LIPA: variants seen among roughly 807,000 people sequenced by gnomAD.
LIPA encodes the protein lipase A, lysosomal acid type.
In LIPA, 26 loss-of-function variants were observed where a neutral mutation model predicts 40.6. The ratio of observed to expected loss-of-function variants is 0.64; its 90% CI spans 0.47 to 0.89. LIPA has a LOEUF of 0.89. LIPA is among the 40% of genes least tolerant of loss of function. LIPA has a pLI of 0.00. For missense variants in LIPA, 455 were observed against 479.6 expected, an observed-to-expected ratio of 0.95 and a Z score of 0.48; for synonymous variants, 188 against 168.4, an observed-to-expected ratio of 1.12 and a Z score of -0.90.
At chr10:89,413,032 C>T (rs765861216) in intron 1 of LIPA, 22 of 174,810 alleles carry the variant, frequency 1.3e-4, no homozygotes, top group Middle Eastern at 2.4e-3. Flanking sequence ...CAACAAGCCC[C>T]AGTGTGTGTT....
intron 5 of LIPA, among the ~76,000 whole-genome samples, chr10:89,225,920 A>G (rs1842763619): frequency 6.6e-6 from 1 of 152,076 alleles, no homozygotes; most frequent in African/African-American, 2.4e-5. Context: ...ACCATGTAAG[A>G]TGTTCCTTGC....
At chr10:89,324,126 C>CTATACT (rs1740475875) in intron 1 of LIPA, among the ~76,000 whole-genome samples, 1 of 152,056 alleles carries the variant, frequency 6.6e-6, no homozygotes, top group African/African-American at 2.4e-5. Flanking sequence ...TGACTTTGAA[C>CTATACT]TATACTACAA....
intron 1 of LIPA, among the ~76,000 whole-genome samples, chr10:89,272,592 A>T (rs186528800): frequency 6.6e-6 from 1 of 152,218 alleles, no homozygotes; most frequent in Non-Finnish European, 1.5e-5. Flanking sequence ...AATGATTTAT[A>T]CTCCTCTGGG....
chr10:89,275,473 A>C (rs184864853), intron 1 of LIPA, among the ~76,000 whole-genome samples: 19 of 152,308 alleles, frequency 1.2e-4, no homozygotes, highest in African/African-American at 3.6e-4. Flanking sequence ...TGTCCTGCCC[A>C]CTGGACATTC....
chr10:89,312,899 C>T (rs892238728), intron 1 of LIPA, among the ~76,000 whole-genome samples: 1 of 151,926 alleles, frequency 6.6e-6, no homozygotes, highest in African/African-American at 2.4e-5. Flanking sequence ...TGCATGCTTT[C>T]TGCAGGAATG....
chr10:89,252,237 A>C (rs1025220028), upstream of LIPA, among the ~76,000 whole-genome samples: 1 of 152,238 alleles, frequency 6.6e-6, no homozygotes, highest in African/African-American at 2.4e-5. Context: ...TGCTGCTTTA[A>C]ATTTTTTATT....
intron 2 of LIPA, chr10:89,378,204 T>TAAG: frequency 6.3e-7 from 1 of 1,576,840 alleles, no homozygotes; most frequent in Non-Finnish European, 8.7e-7. Flanking sequence ...AAACTTTCCT[T>TAAG]AAGGGCCAAT....
Position 89,250,107 on chromosome 10 carries a change from C to CTTTTTTTTTTTTTTTTTTTTTT in LIPA, c.-2+1629_-2+1630insAAAAAAAAAAAAAAAAAAAAAA, listed in dbSNP as rs398038546. Among the ~76,000 whole-genome samples the CTTTTTTTTTTTTTTTTTTTTTT allele has an allele frequency of 1.9e-4, 18 of 96,074 alleles. 2 individuals are homozygous for CTTTTTTTTTTTTTTTTTTTTTT. The highest frequency in any genetic ancestry group is 2.9e-4 in the Non-Finnish European group (15 of 51,316). 63.0% of individuals were successfully genotyped at this position (96,074 alleles called of 152,430 possible). ...TTTTTCTTTTTCTTTTCTTTTCTTTCTTTTTTTTTTTTGAGACAGTCTTGC... is the reference window on the plus strand; with the variant it reads ...TTTTTCTTTTTCTTTTCTTTTCTTTCTTTTTTTTTTTTTTTTTTTTTTTTTTTTTTTTTTGAGACAGTCTTGC... On this transcript the variant is annotated intron_variant, in intron 1 of 9. Coordinates refer to ENST00000336233, the MANE Select transcript of LIPA (RefSeq NM_000235.4).
chr10:89,410,231 G>C (rs1428093293), intron 2 of LIPA, among the ~76,000 whole-genome samples: 4 of 152,168 alleles, frequency 2.6e-5, no homozygotes, highest in African/African-American at 9.7e-5. Context: ...TGATGTAAAT[G>C]GCATACTAGG....
chr10:89,408,831 T>C (rs542346737), intron 2 of LIPA, among the ~76,000 whole-genome samples: 3 of 152,232 alleles, frequency 2.0e-5, no homozygotes, highest in African/African-American at 7.2e-5. Flanking sequence ...CTTAGTCAGA[T>C]AAATGATAGA....
intron 2 of LIPA, among the ~76,000 whole-genome samples, chr10:89,391,744 G>A (rs892229432): frequency 2.0e-5 from 3 of 151,994 alleles, no homozygotes; most frequent in Non-Finnish European, 4.4e-5. Context: ...TGGCCACGAT[G>A]GTCTCCATCT....
intron 1 of LIPA, among the ~76,000 whole-genome samples, chr10:89,299,969 A>G (rs570808993): frequency 6.6e-6 from 1 of 152,350 alleles, no homozygotes; most frequent in East Asian, 1.9e-4. Flanking sequence ...CTGCACTCAC[A>G]TGTTCATCAC....
At position 89,317,585 on chromosome 10, in the gene LIPA, A is replaced by T. The variant is rs117341590; in HGVS notation, c.-2+25026T>A. ...GACTATGTGAAAAGACCAAACATAC[A>T]TCTGACTGGTGTACCTGAAAGTGAC... is the stretch of plus-strand genomic sequence containing the variant. On this transcript the variant is annotated intron_variant, in intron 1 of 5. Coordinates refer to the LIPA transcript ENST00000282673. 5.8e-3 allele frequency among the ~76,000 whole-genome samples: 878 copies of T among 152,348 alleles called. 18 individuals carry two copies. Among genetic ancestry groups the T allele is most frequent in the Admixed American group, 0.036 (548 of 15,294 alleles).
intron 2 of LIPA, among the ~76,000 whole-genome samples, chr10:89,370,656 G>A (rs1202835386): frequency 1.3e-5 from 2 of 152,098 alleles, no homozygotes; most frequent in Non-Finnish European, 2.9e-5. Context: ...GTACATTATA[G>A]GATGTTTAGC....
chr10:89,394,594 A>ATATATTT (rs1272015507), intron 2 of LIPA, among the ~76,000 whole-genome samples: 28 of 16,710 alleles, frequency 1.7e-3, no homozygotes, highest in African/African-American at 7.3e-3. Flanking sequence ...ATATATATAT[A>ATATATTT]TATATATATA....
At chr10:89,353,737 G>A (rs886504040) in intron 2 of LIPA, among the ~76,000 whole-genome samples, 5 of 152,000 alleles carry the variant, frequency 3.3e-5, no homozygotes, top group Admixed American at 1.3e-4. Context: ...TCAGAAGATC[G>A]AGACCATCCT....
chr10:89,305,083 A>G (rs1471785061), intron 1 of LIPA, among the ~76,000 whole-genome samples: 1 of 152,062 alleles, frequency 6.6e-6, no homozygotes, highest in Admixed American at 6.6e-5. Flanking sequence ...AGTTTAAGAA[A>G]TAGAGGTATG....
intron 8 of LIPA, among the ~76,000 whole-genome samples, chr10:89,219,736 A>G (rs1160246702): frequency 6.6e-6 from 1 of 152,204 alleles, no homozygotes; most frequent in Non-Finnish European, 1.5e-5. Context: ...CACCAGTGGC[A>G]GCCCCTGGCC....
intron 1 of LIPA, among the ~76,000 whole-genome samples, chr10:89,413,519 C>T (rs1310827904): frequency 4.6e-5 from 7 of 151,986 alleles, no homozygotes; most frequent in Admixed American, 6.6e-5. Flanking sequence ...CCACGATGGG[C>T]GGAACAATAT....
Sources: allele counts gnomAD v4.1 joint callset (sites outside exome capture counted in the v4.1 genomes callset), GRCh38; gene constraint gnomAD v4.1.1; transcripts MANE v1.5; gene names NCBI Gene and HGNC (gene_info 2026-07-23, HGNC 2026-07-21).